The following BCAS3 variants were observed in gnomAD, a reference collection of about 807,000 sequenced individuals.
The protein encoded by BCAS3 is BCAS4/BCAS3 fusion.
BCAS3 carries 53 observed loss-of-function variants against 116.1 expected under a neutral mutation model. That is an observed-to-expected ratio of 0.46 (90% CI 0.37 to 0.57). The LOEUF (loss-of-function observed/expected upper bound fraction) is 0.57, where lower values mean the gene tolerates loss of function less well. Among genes scored for constraint, BCAS3 ranks in the 20% least tolerant of loss-of-function variants. The probability of loss-of-function intolerance (pLI) is 0.00; values close to 1 mark genes in which losing one functional copy is unlikely to be tolerated. For missense variants in BCAS3, 917 were observed against 1,165.4 expected, an observed-to-expected ratio of 0.79 and a Z score of 3.10; for synonymous variants, 391 against 408.2, an observed-to-expected ratio of 0.96 and a Z score of 0.51.
intron 6 of BCAS3, among the ~76,000 whole-genome samples, chr17:60,803,759 T>C (rs2048014664): frequency 6.6e-6 from 1 of 151,528 alleles, no homozygotes; most frequent in Non-Finnish European, 1.5e-5. Context: ...CTATCCTTCA[T>C]TTTTTTTCAT....
At chr17:61,046,666 A>G (rs2068384872) in intron 19 of BCAS3, among the ~76,000 whole-genome samples, 1 of 151,624 alleles carries the variant, frequency 6.6e-6, no homozygotes, top group African/African-American at 2.4e-5. Context: ...TTTTTTTCAC[A>G]GAATATTTTC....
At chr17:61,165,001 C>A (rs2144083339) in intron 22 of BCAS3, among the ~76,000 whole-genome samples, 1 of 152,324 alleles carries the variant, frequency 6.6e-6, no homozygotes, top group Non-Finnish European at 1.5e-5. Flanking sequence ...TCAGATTGAA[C>A]AGTGATGATC....
chr17:60,730,075 G>A (rs999072949), intron 5 of BCAS3, among the ~76,000 whole-genome samples: 3 of 152,156 alleles, frequency 2.0e-5, no homozygotes, highest in African/African-American at 7.2e-5. Context: ...TATTTGGATT[G>A]GTGCATGCTG....
intron 6 of BCAS3, among the ~76,000 whole-genome samples, chr17:60,757,296 C>T (rs958281327): frequency 6.7e-6 from 1 of 149,744 alleles, no homozygotes; most frequent in Non-Finnish European, 1.5e-5. Context: ...GCCTGGGCGA[C>T]AGAGCAAGAC....
intron 22 of BCAS3, among the ~76,000 whole-genome samples, chr17:61,319,655 C>G (rs2055032899): frequency 6.6e-6 from 1 of 151,082 alleles, no homozygotes; most frequent in Non-Finnish European, 1.5e-5. Context: ...CTGAATAAAC[C>G]ACAATTTTTT....
chr17:60,792,560 T>A (rs1398736234), intron 6 of BCAS3, among the ~76,000 whole-genome samples: 1 of 152,294 alleles, frequency 6.6e-6, no homozygotes, highest in East Asian at 1.9e-4. Flanking sequence ...AAGTGACACT[T>A]CAAGGATTCT....
At chr17:60,921,048 A>G (rs2059055409) in intron 12 of BCAS3, among the ~76,000 whole-genome samples, 1 of 152,188 alleles carries the variant, frequency 6.6e-6, no homozygotes, top group Non-Finnish European at 1.5e-5. Context: ...CACTTGACCC[A>G]GCAATCCCAC....
At chr17:60,988,423 T>G (rs2063321271) in intron 14 of BCAS3, among the ~76,000 whole-genome samples, 1 of 151,000 alleles carries the variant, frequency 6.6e-6, no homozygotes, top group Non-Finnish European at 1.5e-5. Flanking sequence ...TTAGAAGTAT[T>G]CCTTCCTCCT....
intron 23 of BCAS3, among the ~76,000 whole-genome samples, chr17:61,375,833 A>G (rs1347997654): frequency 6.6e-6 from 1 of 152,166 alleles, no homozygotes; most frequent in Non-Finnish European, 1.5e-5. Flanking sequence ...TCGGCCTCCC[A>G]AAGTGCTGGG....
At chr17:61,268,662 A>G (rs549830361) in intron 22 of BCAS3, among the ~76,000 whole-genome samples, 42 of 152,040 alleles carry the variant, frequency 2.8e-4, no homozygotes, top group African/African-American at 9.4e-4. Context: ...GGTTCATGCA[A>G]TTCTCATGCC....
intron 21 of BCAS3, among the ~76,000 whole-genome samples, chr17:61,078,996 T>G (rs1446057708): frequency 6.6e-6 from 1 of 152,228 alleles, no homozygotes; most frequent in South Asian, 2.1e-4. Flanking sequence ...TTCTATATTT[T>G]TATAATACAT....
At chr17:60,867,145 C>T (rs1046821486) in intron 7 of BCAS3, among the ~76,000 whole-genome samples, 4 of 149,828 alleles carry the variant, frequency 2.7e-5, no homozygotes, top group Admixed American at 1.3e-4. Context: ...TTCACTCTGT[C>T]GTCCAGGCTG....
intron 6 of BCAS3, among the ~76,000 whole-genome samples, chr17:60,805,553 C>T (rs973382437): frequency 5.3e-5 from 8 of 152,090 alleles, no homozygotes; most frequent in Admixed American, 6.5e-5. Flanking sequence ...GGCGGCTGGG[C>T]GCGGTGGCTC....
chr17:61,372,332 C>T (rs2059090937), intron 23 of BCAS3, among the ~76,000 whole-genome samples: 1 of 152,196 alleles, frequency 6.6e-6, no homozygotes, highest in Non-Finnish European at 1.5e-5. Flanking sequence ...TTTCTTCTGT[C>T]GTCCTTAGGC....
chr17:61,087,060 G>A lies in BCAS3; in HGVS notation c.2425+2496G>A. 1.7e-5 allele frequency: 17 copies of A among 984,928 alleles called. No homozygotes were observed. Among genetic ancestry groups the A allele is most frequent in the Non-Finnish European group, 1.9e-5 (16 of 829,500 alleles). 61.0% of individuals were successfully genotyped at this position (984,928 alleles called of 1,614,324 possible). On this transcript the variant is annotated intron_variant, in intron 22 of 23. Coordinates refer to ENST00000407086, the MANE Select transcript of BCAS3 (RefSeq NM_017679.5). This position sits in a 1 kb window ranked among gnomAD's most constrained non-coding sequence, Gnocchi z 4.6. ...AGGCTAAATAATTTGAGTTCTTTAT[G>A]TAAACATATTTATGGGAAAATTTTG...
chr17:60,765,900 T>C (rs906062137), intron 6 of BCAS3, among the ~76,000 whole-genome samples: 3 of 152,190 alleles, frequency 2.0e-5, no homozygotes, highest in Non-Finnish European at 4.4e-5. Context: ...ATTTTACTCT[T>C]TTTTCTCTAA....
At chr17:60,912,535 A>G (rs756135355) in intron 12 of BCAS3, among the ~76,000 whole-genome samples, 2 of 152,130 alleles carry the variant, frequency 1.3e-5, no homozygotes, top group African/African-American at 2.4e-5. Context: ...ATTTTACTTG[A>G]AATCTGAGTA....
At position 61,037,419 on chromosome 17, in the gene BCAS3, A is replaced by G. The variant is rs1489875242; in HGVS notation, c.1763-470A>G. Among the ~76,000 whole-genome samples, 2 of 152,242 alleles carry G rather than the reference A, an allele frequency of 1.3e-5. No homozygotes were observed. The highest frequency in any genetic ancestry group is 1.9e-4 in the East Asian group (1 of 5,202). ...ACTCTGATATCATAGACATTTTCAT[A>G]TTCACTAGCATGTGCTTATACGAGG... On this transcript the variant is annotated intron_variant, in intron 17 of 23. Transcript: ENST00000407086. The surrounding 1 kb of genome is among the most constrained non-coding windows in gnomAD (Gnocchi z 4.7).
chr17:61,076,383 G>A (rs1489959777), intron 20 of BCAS3, among the ~76,000 whole-genome samples: 1 of 152,184 alleles, frequency 6.6e-6, no homozygotes, highest in Non-Finnish European at 1.5e-5. Context: ...AAATCAAGCA[G>A]TGTCTAGGTA....
Sources: allele counts gnomAD v4.1 joint callset (sites outside exome capture counted in the v4.1 genomes callset), GRCh38; gene constraint gnomAD v4.1.1; non-coding constraint Gnocchi (gnomAD v3.1); transcripts MANE v1.5; gene names NCBI Gene and HGNC (gene_info 2026-07-23, HGNC 2026-07-21).